Variants in ADGRL2 observed in about 807,000 individuals in gnomAD.
ADGRL2 encodes adhesion G protein-coupled receptor L2, also known as calcium-independent alpha-latrotoxin receptor 2.
In ADGRL2, 44 loss-of-function variants were observed where a neutral mutation model predicts 157.4. That is an observed-to-expected ratio of 0.28 (90% confidence interval 0.22 to 0.36). The LOEUF (loss-of-function observed/expected upper bound fraction) is 0.36. ADGRL2 is among the 10% of genes least tolerant of loss of function. The pLI, the probability that ADGRL2 is intolerant of heterozygous loss-of-function variation, is 1.00. For synonymous variants in ADGRL2, 585 were observed against 624.7 expected (o/e 0.94, Z 0.95); for missense variants, 1,510 against 1,768.9 (o/e 0.85, Z 2.63).
chr1:81,400,719 A>C (rs1185005019), intron 1 of ADGRL2, among the ~76,000 whole-genome samples: 4 of 152,214 alleles, frequency 2.6e-5, no homozygotes, highest in Non-Finnish European at 4.4e-5. Context: ...GGCTGGACAC[A>C]GCTGTCTTTT....
At chr1:81,952,942 A>T in intron 9 of ADGRL2, 45 bp from the exon 10 acceptor site, 1 of 1,456,486 alleles carries the variant, frequency 6.9e-7, no homozygotes, top group Non-Finnish European at 9.6e-7. Flanking sequence ...CATTTTCAGC[A>T]GATAAAAATC....
chr1:81,768,814 C>T (rs928497125), intron 2 of ADGRL2, among the ~76,000 whole-genome samples: 6 of 152,150 alleles, frequency 3.9e-5, no homozygotes, highest in Non-Finnish European at 8.8e-5. Context: ...GGCGATGTAG[C>T]TCATGCCTGT....
At chr1:81,428,962 G>A (rs1258165355) in intron 1 of ADGRL2, among the ~76,000 whole-genome samples, 5 of 152,118 alleles carry the variant, frequency 3.3e-5, no homozygotes, top group African/African-American at 1.2e-4. Flanking sequence ...ATTTTAAGGT[G>A]TTGTTTTCTG....
chr1:81,526,546 T>A (rs1312541120), intron 2 of ADGRL2, among the ~76,000 whole-genome samples: 1 of 152,204 alleles, frequency 6.6e-6, no homozygotes, highest in Non-Finnish European at 1.5e-5. Context: ...CAAAAAGAAA[T>A]TACTTTGAAT....
intron 2 of ADGRL2, among the ~76,000 whole-genome samples, chr1:81,464,456 CAA>C (rs1335448841): frequency 1.3e-5 from 2 of 152,126 alleles, no homozygotes; most frequent in Non-Finnish European, 2.9e-5. Flanking sequence ...TCTAGTGAAA[CAA>C]GAGCATGAAT....
rs142915246 is a variant in ADGRL2, at chr1:81,978,210, G to A, written c.3022-1659G>A. Among the ~76,000 whole-genome samples the A allele has an allele frequency of 5.8e-3, 887 of 151,704 alleles. 3 individuals carry two copies. Among genetic ancestry groups the A allele is most frequent in the African/African-American group, 0.02 (845 of 41,474 alleles). ...CTCTAATTTCTCAAAGGCAGAAATT[G>A]TGTCTTACCTCATCCACAATACAAT... is the stretch of plus-strand genomic sequence containing the variant. On this transcript the variant is annotated intron_variant, in intron 17 of 23. Transcript: ENST00000686636.
intron 1 of ADGRL2, among the ~76,000 whole-genome samples, chr1:81,806,609 C>T (rs954129687): frequency 6.6e-6 from 1 of 151,964 alleles, no homozygotes; most frequent in Non-Finnish European, 1.5e-5. Context: ...AATGTTATTG[C>T]TTTATTTTCT....
At chr1:81,448,025 G>A (rs561508901) in intron 2 of ADGRL2, among the ~76,000 whole-genome samples, 63 of 151,640 alleles carry the variant, frequency 4.2e-4, no homozygotes, top group African/African-American at 1.5e-3. Context: ...TTCACATTCT[G>A]CCATGATTGT....
chr1:81,875,943 A>T (rs1317982943), intron 2 of ADGRL2, among the ~76,000 whole-genome samples: 3 of 152,170 alleles, frequency 2.0e-5, no homozygotes, highest in African/African-American at 7.2e-5. Flanking sequence ...ATAGTAGTTC[A>T]GCTTTTTAAA....
chr1:81,719,114 C>G (rs2084211943), intron 1 of ADGRL2, among the ~76,000 whole-genome samples: 1 of 152,238 alleles, frequency 6.6e-6, no homozygotes, highest in Non-Finnish European at 1.5e-5. Flanking sequence ...GATCCCAGAG[C>G]AAACTGTGTA....
intron 3 of ADGRL2, among the ~76,000 whole-genome samples, chr1:81,653,117 A>G (rs889267973): frequency 6.6e-6 from 1 of 152,096 alleles, no homozygotes; most frequent in Non-Finnish European, 1.5e-5. Flanking sequence ...AAGTATATGT[A>G]TATACATATA....
At chr1:81,552,624 A>AAAAAAAAAAAAAAAAAAAAACCCCC (rs1557453283) in intron 2 of ADGRL2, among the ~76,000 whole-genome samples, 1 of 138,576 alleles carries the variant, frequency 7.2e-6, no homozygotes, top group African/African-American at 2.6e-5. Context: ...AAAAAAAAAA[A>AAAAAAAAAAAAAAAAAAAAACCCCC]CAGAAAAGAA....
intron 2 of ADGRL2, among the ~76,000 whole-genome samples, chr1:81,535,692 G>T (rs935758301): frequency 2.0e-5 from 3 of 152,060 alleles, no homozygotes; most frequent in Non-Finnish European, 4.4e-5. Flanking sequence ...ACATATAAAC[G>T]CATAGCAGGA....
chr1:81,775,786 A>G (rs1040356129), intron 2 of ADGRL2, among the ~76,000 whole-genome samples: 1 of 152,202 alleles, frequency 6.6e-6, no homozygotes, highest in African/African-American at 2.4e-5. Flanking sequence ...CTGTCCATGC[A>G]TACCTTGTAA....
At chr1:81,894,234 T>C (rs1040328117) in intron 2 of ADGRL2, among the ~76,000 whole-genome samples, 5 of 152,204 alleles carry the variant, frequency 3.3e-5, no homozygotes, top group Admixed American at 3.3e-4. Context: ...AATGAAGCAA[T>C]AAATTAGTGC....
At chr1:81,652,716 C>T (rs2082446374) in intron 3 of ADGRL2, among the ~76,000 whole-genome samples, 1 of 152,050 alleles carries the variant, frequency 6.6e-6, no homozygotes. Flanking sequence ...AACAAATATG[C>T]AACTTAATGA....
chr1:81,876,321 A>G (rs1429775674), intron 2 of ADGRL2, among the ~76,000 whole-genome samples: 1 of 152,090 alleles, frequency 6.6e-6, no homozygotes, highest in Non-Finnish European at 1.5e-5. Context: ...TCATAATTTT[A>G]TATATACTCT....
chr1:81,465,710 T>C (rs2078038630), intron 2 of ADGRL2, among the ~76,000 whole-genome samples: 1 of 152,336 alleles, frequency 6.6e-6, no homozygotes, highest in South Asian at 2.1e-4. Context: ...GTTGTCTCAC[T>C]GTTGAGCTCT....
intron 1 of ADGRL2, among the ~76,000 whole-genome samples, chr1:81,399,007 A>G (rs967668510): frequency 1.3e-5 from 2 of 152,184 alleles, no homozygotes; most frequent in African/African-American, 4.8e-5. Flanking sequence ...TATGAAAAAA[A>G]GAGGTTTAAT....
Sources: allele counts gnomAD v4.1 joint callset (sites outside exome capture counted in the v4.1 genomes callset), GRCh38; gene constraint gnomAD v4.1.1; transcripts MANE v1.5; gene names NCBI Gene and HGNC (gene_info 2026-07-23, HGNC 2026-07-21).